CCDC90B: variants seen among roughly 807,000 people sequenced by gnomAD.
CCDC90B encodes the protein coiled-coil domain containing 90B.
In CCDC90B, 24 loss-of-function variants were observed where a neutral mutation model predicts 37.0. The ratio of observed to expected loss-of-function variants is 0.65; its 90% confidence interval spans 0.47 to 0.91. The LOEUF (loss-of-function observed/expected upper bound fraction) is 0.91, where lower values mean the gene tolerates loss of function less well. CCDC90B is among the 40% of genes least tolerant of loss of function. CCDC90B has a pLI of 0.00. For synonymous variants in CCDC90B, 113 were observed against 101.1 expected, an observed-to-expected ratio of 1.12 and a Z score of -0.71; for missense variants, 319 against 299.0, an observed-to-expected ratio of 1.07 and a Z score of -0.49.
Position 83,285,961 on chromosome 11 carries a change from G to A in CCDC90B, c.12C>T (p.Arg4=), listed in dbSNP as rs186527054. 3.6e-5 allele frequency: 58 copies of A among 1,611,630 alleles called. No homozygotes were observed. The highest frequency in any genetic ancestry group is 4.6e-5 in the Non-Finnish European group (54 of 1,178,990). Residue 4 remains arginine, a synonymous_variant, in exon 1 of 9, where the codon CGC becomes CGT. Coordinates refer to ENST00000529689, the MANE Select transcript of CCDC90B (RefSeq NM_021825.5). ...GGGAGAGAAAGAGCCGCCAAGCCTGGCGACTATTCATGTCCTCAGAGTTTT... is the reference window on the plus strand; with the variant it reads ...GGGAGAGAAAGAGCCGCCAAGCCTGACGACTATTCATGTCCTCAGAGTTTT... The part of the protein sequence containing the change: MNS[R]QAWRLFLSQG...
chr11:83,270,877 T>G (rs571609307), intron 7 of CCDC90B, among the ~76,000 whole-genome samples: 1 of 152,286 alleles, frequency 6.6e-6, no homozygotes, highest in East Asian at 1.9e-4. Flanking sequence ...CAAACCATAT[T>G]ACAAGGCTAC....
intron 3 of CCDC90B, among the ~76,000 whole-genome samples, chr11:83,275,291 T>C (rs1198002278): frequency 2.6e-5 from 4 of 152,178 alleles, no homozygotes; most frequent in Non-Finnish European, 5.9e-5. Context: ...ACCTGATAGA[T>C]TTATAAGCTT....
In CCDC90B at chr11:83,260,413, T is replaced by C. The variant is rs1863875643; in HGVS notation, c.*1498A>G. On this transcript the variant is annotated 3_prime_UTR_variant, in exon 9 of 9. Transcript: ENST00000529689. ...TTAATTGACTCAGTGAAAATTAATCTATAATATACTAAGAACTCTCTTAGG... is the reference window on the plus strand; with the variant it reads ...TTAATTGACTCAGTGAAAATTAATCCATAATATACTAAGAACTCTCTTAGG... 6.6e-6 allele frequency: 1 copy of C among 152,180 alleles called. No individual in the cohort carries two copies. The highest frequency in any genetic ancestry group is 2.4e-5 in the African/African-American group (1 of 41,454). 9.4% of individuals were successfully genotyped at this position (152,180 alleles called of 1,614,324 possible).
chr11:83,285,304 T>C (rs1865616053), intron 1 of CCDC90B: 1 of 1,234,688 alleles, frequency 8.1e-7, no homozygotes, highest in African/African-American at 1.6e-5. Flanking sequence ...GTTAGATGTC[T>C]TCAGGACACC....
rs532458141 is a variant in CCDC90B, at chr11:83,285,095, G to T, written c.100+778C>A. On this transcript the variant is annotated intron_variant, in intron 1 of 8. Coordinates refer to ENST00000529689, the MANE Select transcript of CCDC90B (RefSeq NM_021825.5). ...AATATGGAGTATAAATAACAGCGTA[G>T]AAGTGTTTGGGTACCGAATGGCTCA... 4.3e-6 allele frequency: 5 copies of T among 1,175,062 alleles called. No individual in the cohort carries two copies. In the South Asian group the frequency reaches 7.4e-5, roughly 17 times the overall value. The allele number at this position is 1,175,062 out of a possible 1,614,324, so 72.8% of individuals were successfully genotyped here.
intron 7 of CCDC90B, among the ~76,000 whole-genome samples, chr11:83,267,727 G>A (rs945791782): frequency 4.5e-4 from 68 of 152,214 alleles, no homozygotes; most frequent in East Asian, 3.9e-4. Flanking sequence ...TAGCAAAGCA[G>A]GCCAACATTC....
chr11:83,285,614 GAGAA>G, intron 1 of CCDC90B: 2 of 1,337,314 alleles, frequency 1.5e-6, no homozygotes, highest in Non-Finnish European at 1.9e-6. Flanking sequence ...AACAACGGCT[GAGAA>G]AGAAGCCGGG....
rs1863845382 is a variant in CCDC90B at position 83,259,684 on chromosome 11, A to C, written c.*2227T>G. The C allele has an allele frequency of 6.6e-6, 1 of 152,262 alleles. No homozygotes were observed. Among genetic ancestry groups the C allele is most frequent in the East Asian group, 1.9e-4 (1 of 5,164 alleles). The allele number at this position is 152,262 out of a possible 1,614,324, so 9.4% of individuals were successfully genotyped here. ...GTTTTTTTTTAGGAGACAGGGTCTC[A>C]TGTGTTGCCAGGCTGGAGTGCAGTG... On this transcript the variant is annotated 3_prime_UTR_variant, in exon 9 of 9. Transcript: ENST00000529689.
Position 83,286,118 on chromosome 11 carries a change from C to G in CCDC90B, c.-146G>C. 1 of 1,536,442 alleles carries G rather than the reference C, an allele frequency of 6.5e-7. No homozygotes were observed. Among genetic ancestry groups the G allele is most frequent in the Non-Finnish European group, 8.7e-7 (1 of 1,146,920 alleles). On this transcript the variant is annotated 5_prime_UTR_variant, in exon 1 of 9. Coordinates refer to ENST00000529689, the MANE Select transcript of CCDC90B (RefSeq NM_021825.5). ...AGCTCACCTCCCAGCGCAGGCGCCA[C>G]CGTGGTCCCACGAAACTGGGTCTCT... is the stretch of plus-strand genomic sequence containing the variant.
intron 8 of CCDC90B, among the ~76,000 whole-genome samples, chr11:83,265,525 T>G (rs1243112510): frequency 1.3e-5 from 2 of 152,198 alleles, no homozygotes; most frequent in Non-Finnish European, 2.9e-5. Flanking sequence ...GCTGCAGAGT[T>G]GCCTGCTAAA....
chr11:83,263,576 T>C (rs148157916), intron 8 of CCDC90B, among the ~76,000 whole-genome samples: 2 of 152,322 alleles, frequency 1.3e-5, no homozygotes, highest in African/African-American at 4.8e-5. Context: ...ATTATCTACA[T>C]AGATTAAATG....
chr11:83,283,530 C>A (rs1032144825), intron 1 of CCDC90B, among the ~76,000 whole-genome samples: 2 of 152,198 alleles, frequency 1.3e-5, no homozygotes, highest in Non-Finnish European at 2.9e-5. Context: ...TTGACACCCA[C>A]TGGCAGTAGA....
rs1326801240 is a variant in CCDC90B at position 83,259,685 on chromosome 11, T to G, written c.*2226A>C. ...TTTTTTTTTAGGAGACAGGGTCTCA[T>G]GTGTTGCCAGGCTGGAGTGCAGTGA... is the stretch of plus-strand genomic sequence containing the variant. On this transcript the variant is annotated 3_prime_UTR_variant, in exon 9 of 9. Coordinates refer to ENST00000529689, the MANE Select transcript of CCDC90B (RefSeq NM_021825.5). 2 of 152,082 alleles carry G rather than the reference T, an allele frequency of 1.3e-5. No homozygotes were observed. The highest frequency in any genetic ancestry group is 1.5e-5 in the Non-Finnish European group (1 of 68,006). 9.4% of individuals were successfully genotyped at this position (152,082 alleles called of 1,614,324 possible). A position where few individuals can be genotyped will look rare whatever the true frequency, so the allele number is the denominator to read the frequency against.
chr11:83,285,294 G>C (rs1865615593), intron 1 of CCDC90B: 3 of 1,257,728 alleles, frequency 2.4e-6, no homozygotes, highest in Non-Finnish European at 3.1e-6. Flanking sequence ...TCTGAATAAA[G>C]TTAGATGTCT....
Position 83,261,819 on chromosome 11 carries a change from A to T in CCDC90B, c.*92T>A, listed in dbSNP as rs963675092. ...TACACTTCGAATAATCTTGTGTAGT[A>T]AATTTTTGCTGCAACTGACAATGTT... On this transcript the variant is annotated 3_prime_UTR_variant, in exon 9 of 9. Coordinates refer to ENST00000529689, the MANE Select transcript of CCDC90B (RefSeq NM_021825.5). 9.4e-6 allele frequency: 8 copies of T among 854,622 alleles called. No individual in the cohort carries two copies. The highest frequency in any genetic ancestry group is 1.5e-5 in the Non-Finnish European group (8 of 525,556). The allele number at this position is 854,622 out of a possible 1,614,324, so 52.9% of individuals were successfully genotyped here.
chr11:83,283,740 T>C (rs907217175), intron 1 of CCDC90B, among the ~76,000 whole-genome samples: 8 of 152,182 alleles, frequency 5.3e-5, no homozygotes, highest in African/African-American at 1.9e-4. Context: ...GGCAGGCGGA[T>C]TGCTTGAGCC....
At chr11:83,266,229 A>C (rs575380983) in intron 7 of CCDC90B, among the ~76,000 whole-genome samples, 1 of 152,322 alleles carries the variant, frequency 6.6e-6, no homozygotes, top group East Asian at 1.9e-4. Context: ...CAACTGAGGT[A>C]CCTGGTTCAT....
intron 7 of CCDC90B, among the ~76,000 whole-genome samples, chr11:83,272,496 G>GA (rs146771916): frequency 0.046 from 6,917 of 150,272 alleles, 207 homozygotes; most frequent in South Asian, 0.15. Context: ...TCTGCAAATG[G>GA]AAAAAAAAAT....
At chr11:83,276,386 C>A (rs1238100229) in intron 3 of CCDC90B, among the ~76,000 whole-genome samples, 1 of 152,174 alleles carries the variant, frequency 6.6e-6, no homozygotes, top group Non-Finnish European at 1.5e-5. Flanking sequence ...CTTGCTCTGT[C>A]ACTCAGGCTG....
Sources: allele counts gnomAD v4.1 joint callset (sites outside exome capture counted in the v4.1 genomes callset), GRCh38; gene constraint gnomAD v4.1.1; transcripts MANE v1.5; gene names NCBI Gene and HGNC (gene_info 2026-07-23, HGNC 2026-07-21).